The following KIAA0319 variants were observed in gnomAD, a reference collection of about 807,000 sequenced individuals.
The protein encoded by KIAA0319 is dyslexia-associated protein KIAA0319.
KIAA0319 carries 83 observed loss-of-function variants against 108.4 expected under a neutral mutation model. The observed-to-expected ratio is 0.77, with a 90% CI of 0.64 to 0.92. The LOEUF is 0.92. KIAA0319 is among the 40% of genes least tolerant of loss of function. The pLI, the probability that KIAA0319 is intolerant of heterozygous loss-of-function variation, is 0.00. For synonymous variants in KIAA0319, 484 were observed against 510.4 expected (o/e 0.95, Z 0.70); for missense variants, 1,195 against 1,322.4 (o/e 0.90, Z 1.49).
Position 24,547,340 on chromosome 6 carries a change from A to C in KIAA0319, c.3044T>G (p.Ile1015Ser), listed in dbSNP as rs555334494. The C allele has an allele frequency of 6.2e-7, 1 of 1,613,642 alleles. No individual in the cohort carries two copies. The highest frequency in any genetic ancestry group is 8.5e-7 in the Non-Finnish European group (1 of 1,179,640). ...ERMELRPKYG[I>S]KHRSTEHNSS... ...GTTGTGCTCTGTGCTTCGGTGCTTG[A>C]TACCTAGAGAGAAGCACAGAAGCAT... The change falls in exon 21 of 21, where the codon ATC becomes AGC. Residue 1015 changes from isoleucine (I) to serine (S), a missense_variant. Ile to Ser is a moderately radical substitution (Grantham distance 142, BLOSUM62 -2). Transcript: ENST00000378214.
chr6:24,596,685 A>C lies in KIAA0319; in HGVS notation c.56-67T>G. The C allele has an allele frequency of 4.8e-6, 7 of 1,457,250 alleles. No homozygotes were observed. In the South Asian group the frequency reaches 9.2e-5, roughly 19 times the overall value. The allele number at this position is 1,457,250 out of a possible 1,614,324, so 90.3% of individuals were successfully genotyped here. A position where few individuals can be genotyped will look rare whatever the true frequency, so the allele number is the denominator to read the frequency against. On this transcript the variant is annotated intron_variant, in intron 2 of 20. Coordinates refer to ENST00000378214, the MANE Select transcript of KIAA0319 (RefSeq NM_014809.4). ...ACAGGGAAGCACCTCCAGCTTAAGA[A>C]ACCAGGAAAAGGGAGTCTTCTCAAT... is the stretch of plus-strand genomic sequence containing the variant.
At chr6:24,603,840 C>A (rs4352670) in intron 1 of KIAA0319, among the ~76,000 whole-genome samples, 138,893 of 152,222 alleles carry the variant, frequency 0.91, 63,421 homozygotes, top group East Asian at 0.98. Context: ...TAATCGAGAA[C>A]CAACTCAAAT....
At chr6:24,595,569 A>AAC (rs2127521295) in intron 3 of KIAA0319, among the ~76,000 whole-genome samples, 1 of 151,400 alleles carries the variant, frequency 6.6e-6, no homozygotes, top group East Asian at 1.9e-4. Flanking sequence ...AAAAAAAAAA[A>AAC]ACGCTACAGG....
chr6:24,613,343 G>A (rs1490691881), intron 1 of KIAA0319, among the ~76,000 whole-genome samples: 1 of 152,016 alleles, frequency 6.6e-6, no homozygotes, highest in Admixed American at 6.6e-5. Context: ...GGTAATAATT[G>A]AATTTCAGGT....
At chr6:24,562,556 T>G (rs1763247947) in intron 16 of KIAA0319, among the ~76,000 whole-genome samples, 1 of 152,084 alleles carries the variant, frequency 6.6e-6, no homozygotes, top group Non-Finnish European at 1.5e-5. Context: ...AAAGTAAAAT[T>G]CAGCCAGGCA....
Position 24,569,968 on chromosome 6 carries a change from A to G in KIAA0319, c.1926T>C (p.Ala642=). The G allele has an allele frequency of 1.2e-6, 2 of 1,614,178 alleles. No homozygotes were observed. Among genetic ancestry groups the G allele is most frequent in the East Asian group, 2.2e-5 (1 of 44,886 alleles). The change falls in exon 12 of 21, where the codon GCT becomes GCC. Residue 642 remains alanine, a synonymous_variant. Transcript: ENST00000378214. Reference sequence around the variant, plus strand: ...CGCTGCTGCTGCTCCCATCCAGGGTAGCACTTTCCACTGGGAAGATCAGCT... The same window carrying G: ...CGCTGCTGCTGCTCCCATCCAGGGTGGCACTTTCCACTGGGAAGATCAGCT... ...DKELIFPVES[A]TLDGSSSSDD...
Position 24,596,550 on chromosome 6 carries a change from T to C in KIAA0319, c.124A>G (p.Thr42Ala), listed in dbSNP as rs1769639174. The C allele has an allele frequency of 1.9e-6, 3 of 1,613,654 alleles. No homozygotes were observed. Among genetic ancestry groups the C allele is most frequent in the Non-Finnish European group, 2.5e-6 (3 of 1,179,904 alleles). Residue 42 changes from threonine to alanine, a missense_variant, in exon 3 of 21, where the codon ACC becomes GCC. Thr to Ala is a moderately conservative substitution (Grantham distance 58). Coordinates refer to ENST00000378214, the MANE Select transcript of KIAA0319 (RefSeq NM_014809.4). Reference protein sequence around the residue: ...SNAVISPNLETTRIMRVSHTF... With the variant: ...SNAVISPNLEATRIMRVSHTF... ...TGAGACACCCGCATGATTCTGGTGG[T>C]TTCCAAGTTAGGTGAAATGACTGCA...
chr6:24,583,581 A>G lies in KIAA0319; in HGVS notation c.1093+23T>C, dbSNP rs751062610. 21 of 1,527,534 alleles carry G rather than the reference A, an allele frequency of 1.4e-5. No individual in the cohort carries two copies. The Middle Eastern group carries it at 2.4e-3, about 172-fold the overall frequency. The allele number at this position is 1,527,534 out of a possible 1,614,324, so 94.6% of individuals were successfully genotyped here. A position where few individuals can be genotyped will look rare whatever the true frequency, so the allele number is the denominator to read the frequency against. The stretch of plus-strand genomic sequence containing the variant: ...AAAAACACCCCAGTTCCTAGTGGTC[A>G]GGGAGGAAGGTTAAACTCTCACCTA... On this transcript the variant is annotated intron_variant, in intron 5 of 20. Coordinates refer to ENST00000378214, the MANE Select transcript of KIAA0319 (RefSeq NM_014809.4).
At chr6:24,557,866 G>A (rs1288815155) in intron 17 of KIAA0319, among the ~76,000 whole-genome samples, 1 of 151,944 alleles carries the variant, frequency 6.6e-6, no homozygotes. Flanking sequence ...GAGTAGCTGG[G>A]ATTACAGGCA....
At chr6:24,552,814 A>G (rs1313130547) in intron 19 of KIAA0319, among the ~76,000 whole-genome samples, 3 of 152,220 alleles carry the variant, frequency 2.0e-5, no homozygotes, top group Non-Finnish European at 4.4e-5. Flanking sequence ...CATGTTGGCC[A>G]GGCTGGTCTC....
At chr6:24,604,968 G>C (rs1354788953) in intron 1 of KIAA0319, among the ~76,000 whole-genome samples, 1 of 152,158 alleles carries the variant, frequency 6.6e-6, no homozygotes, top group Non-Finnish European at 1.5e-5. Flanking sequence ...AGTCTCCCAA[G>C]TAGCTAGGAT....
intron 16 of KIAA0319, among the ~76,000 whole-genome samples, chr6:24,560,105 C>T (rs807542): frequency 0.86 from 131,439 of 152,064 alleles, 57,688 homozygotes; most frequent in Non-Finnish European, 0.92. Context: ...CACTCATCAG[C>T]TGGTGGACAC....
intron 20 of KIAA0319, 33 bp downstream of exon 20, chr6:24,551,401 G>A (rs1561908204): frequency 6.9e-7 from 1 of 1,452,082 alleles, no homozygotes; most frequent in East Asian, 2.3e-5. Flanking sequence ...ATCATATAAA[G>A]GTGCCAGGCA....
At chr6:24,590,878 G>C (rs1433305334) in intron 3 of KIAA0319, among the ~76,000 whole-genome samples, 1 of 152,120 alleles carries the variant, frequency 6.6e-6, no homozygotes, top group South Asian at 2.1e-4. Context: ...CAGGACACAA[G>C]GTCCTCTCTG....
chr6:24,624,075 AG>A (rs552148714), intron 1 of KIAA0319, among the ~76,000 whole-genome samples: 117 of 115,552 alleles, frequency 1.0e-3, no homozygotes, highest in Admixed American at 1.8e-3. Flanking sequence ...CGCAGGCTGG[AG>A]TGCAGTGGTG....
chr6:24,580,162 A>C (rs1766261302), intron 7 of KIAA0319, among the ~76,000 whole-genome samples: 1 of 152,244 alleles, frequency 6.6e-6, no homozygotes, highest in Non-Finnish European at 1.5e-5. Context: ...TTTTGCATGT[A>C]AGCCCAGGCT....
intron 1 of KIAA0319, among the ~76,000 whole-genome samples, chr6:24,609,474 G>A (rs1327687040): frequency 6.6e-6 from 1 of 151,758 alleles, no homozygotes; most frequent in Admixed American, 6.6e-5. Flanking sequence ...CTAATCAGGA[G>A]GCTGAGGCAG....
At chr6:24,598,487 T>C (rs2127529132) in intron 2 of KIAA0319, 1 of 484,674 alleles carries the variant, frequency 2.1e-6, no homozygotes, top group Middle Eastern at 7.0e-4. Context: ...CAGCTGGACA[T>C]GCTGGGCCAG....
chr6:24,568,960 G>T, intron 12 of KIAA0319, 31 bp from the exon 13 acceptor site: 1 of 1,608,296 alleles, frequency 6.2e-7, no homozygotes, highest in South Asian at 1.1e-5. Flanking sequence ...TAACATAAGG[G>T]AGGGGGCATG....
Sources: gnomAD v4.1 joint callset for allele counts (sites outside exome capture counted in the v4.1 genomes callset) on GRCh38, gnomAD v4.1.1 for gene constraint, MANE v1.5 for transcripts, NCBI Gene and HGNC (gene_info 2026-07-23, HGNC 2026-07-21) for gene names.